Variants in FGF12 observed in about 807,000 individuals in gnomAD.
The protein encoded by FGF12 is fibroblast growth factor 12B.
FGF12 carries 14 observed loss-of-function variants against 23.6 expected under a neutral mutation model. The observed-to-expected ratio is 0.59, with a 90% confidence interval of 0.39 to 0.93. The LOEUF (loss-of-function observed/expected upper bound fraction) is 0.93, where lower values mean the gene tolerates loss of function less well. Ranked by LOEUF, FGF12 falls within the 40% of genes least tolerant of loss-of-function variation. The pLI is 0.00. For synonymous variants in FGF12, 62 were observed against 77.3 expected (o/e 0.80, Z 1.04); for missense variants, 175 against 217.8 (o/e 0.80, Z 1.24).
intron 5 of FGF12, among the ~76,000 whole-genome samples, chr3:192,166,109 C>A (rs983286256): frequency 2.6e-5 from 4 of 152,094 alleles, no homozygotes; most frequent in Non-Finnish European, 5.9e-5. Context: ...GTTTCAATGT[C>A]CAGTGGATTA....
rs1405592127 is a variant in FGF12 at position 192,607,412 on chromosome 3, AGAG to A, written c.13+119766_13+119768del. 2.6e-5 allele frequency among the ~76,000 whole-genome samples: 4 copies of A among 152,156 alleles called. No individual in the cohort carries two copies. In the South Asian group the frequency reaches 8.3e-4, roughly 32 times the overall value. ...TGTGGTGGTATTTGGAGTTAGTGGA[AGAG>A]GAGGAGTTTCAGGGGTGTCAGACTT... On this transcript the variant is annotated intron_variant, in intron 2 of 5. Transcript: ENST00000445105.
At chr3:192,372,199 A>C (rs770149066) in intron 2 of FGF12, among the ~76,000 whole-genome samples, 35 of 152,358 alleles carry the variant, frequency 2.3e-4, no homozygotes, top group Non-Finnish European at 4.1e-4. Context: ...GAGCACAGGC[A>C]TGACAGTTCC....
rs553350392 is a variant in FGF12 at position 192,398,548 on chromosome 3, T to A, written c.14-38010A>T. ...ACAGGCATGCACCACCACGCCCGACTAATTTTGTATTTTAGTAAAGACAGG... is the reference window on the plus strand; with the variant it reads ...ACAGGCATGCACCACCACGCCCGACAAATTTTGTATTTTAGTAAAGACAGG... On this transcript the variant is annotated intron_variant, in intron 2 of 5. Coordinates refer to ENST00000445105, the MANE Select transcript of FGF12 (RefSeq NM_004113.6). Among the ~76,000 whole-genome samples, 209 of 152,170 alleles carry A rather than the reference T, an allele frequency of 1.4e-3. 1 individual carries two copies. The highest frequency in any genetic ancestry group is 1.5e-3 in the Non-Finnish European group (104 of 67,998).
intron 2 of FGF12, among the ~76,000 whole-genome samples, chr3:192,507,633 A>G (rs1724354718): frequency 6.6e-6 from 1 of 152,096 alleles, no homozygotes; most frequent in African/African-American, 2.4e-5. Context: ...ATGCAACACC[A>G]ACTTTTCACT....
intron 2 of FGF12, among the ~76,000 whole-genome samples, chr3:192,367,858 T>G (rs540264864): frequency 1.3e-5 from 2 of 152,282 alleles, no homozygotes; most frequent in South Asian, 4.1e-4. Context: ...ATTGGTCAAA[T>G]GAAGACGAGA....
rs563506170 is a variant in FGF12, at chr3:192,551,749, C to G, written c.13+175432G>C. Among the ~76,000 whole-genome samples the G allele has an allele frequency of 3.3e-3, 496 of 151,332 alleles. 4 individuals are homozygous for G. The highest frequency in any genetic ancestry group is 0.012 in the African/African-American group (474 of 41,200). On this transcript the variant is annotated intron_variant, in intron 2 of 5. Transcript: ENST00000445105. Reference sequence around the variant, plus strand: ...TGCCAGAATAAAACTAAACACTCCTCAAAGAAAAAAAAAATACTCAATACA... The same window carrying G: ...TGCCAGAATAAAACTAAACACTCCTGAAAGAAAAAAAAAATACTCAATACA...
At chr3:192,338,318 T>G (rs544433681) in intron 3 of FGF12, among the ~76,000 whole-genome samples, 25 of 152,124 alleles carry the variant, frequency 1.6e-4, no homozygotes, top group Non-Finnish European at 2.9e-5. Context: ...CTCCTGACCT[T>G]GTGATCCACC....
At chr3:192,663,850 T>C (rs1716758670) in intron 2 of FGF12, among the ~76,000 whole-genome samples, 2 of 152,182 alleles carry the variant, frequency 1.3e-5, no homozygotes, top group East Asian at 3.9e-4. Context: ...CATAGAGATC[T>C]GACAATAATG....
chr3:192,229,153 A>T (rs1408037772), intron 4 of FGF12, among the ~76,000 whole-genome samples: 2 of 151,556 alleles, frequency 1.3e-5, no homozygotes, highest in East Asian at 3.9e-4. Context: ...TATGGATCTA[A>T]GTGAATAAAA....
intron 4 of FGF12, among the ~76,000 whole-genome samples, chr3:192,304,129 C>T (rs1049060061): frequency 2.6e-5 from 4 of 152,132 alleles, no homozygotes; most frequent in Admixed American, 2.0e-4. Context: ...TGAGGTGTTG[C>T]TAAATTGGAG....
At chr3:192,446,362 T>C (rs531640380) in intron 2 of FGF12, among the ~76,000 whole-genome samples, 3 of 152,282 alleles carry the variant, frequency 2.0e-5, no homozygotes, top group Non-Finnish European at 4.4e-5. Context: ...AACATAACAA[T>C]AGATGCAGGT....
intron 2 of FGF12, among the ~76,000 whole-genome samples, chr3:192,388,461 A>AT (rs969059012): frequency 2.6e-5 from 4 of 152,078 alleles, no homozygotes; most frequent in African/African-American, 9.7e-5. Context: ...CTTTTTATTT[A>AT]TTTTTTGTCT....
intron 2 of FGF12, among the ~76,000 whole-genome samples, chr3:192,628,178 A>T (rs1560174179): frequency 6.6e-6 from 1 of 152,044 alleles, no homozygotes; most frequent in South Asian, 2.1e-4. Context: ...AGATATCAAT[A>T]GTTTGTTTCT....
chr3:192,285,513 C>T (rs955215696), intron 4 of FGF12, among the ~76,000 whole-genome samples: 11 of 151,654 alleles, frequency 7.3e-5, no homozygotes, highest in Non-Finnish European at 1.3e-4. Context: ...CAAAAATGGC[C>T]TATGTAAATA....
At chr3:192,686,815 A>ATTTTTTTTTTTTT (rs57045697) in intron 2 of FGF12, among the ~76,000 whole-genome samples, 4 of 61,434 alleles carry the variant, frequency 6.5e-5, no homozygotes, top group African/African-American at 8.2e-5. Flanking sequence ...TTTTTCTCTA[A>ATTTTTTTTTTTTT]TTTTTTTTTT....
intron 3 of FGF12, among the ~76,000 whole-genome samples, chr3:192,335,745 T>C (rs547463783): frequency 6.6e-6 from 1 of 152,252 alleles, no homozygotes; most frequent in East Asian, 1.9e-4. Context: ...TCAGGATCCC[T>C]GATCCTTAAA....
rs1560171443 is a variant in FGF12 at position 192,158,371 on chromosome 3, T to TTTCTTTCTTTCTTTCTTTC, written c.427+12086_427+12087insGAAAGAAAGAAAGAAAGAA. ...CTTTCTTTCTTTCTTTCTTTCTTTCTTTCTTTCTTTCTTTTCTTTCTCTCT... is the reference window on the plus strand; with the variant it reads ...CTTTCTTTCTTTCTTTCTTTCTTTCTTTCTTTCTTTCTTTCTTTCTTCTTTCTTTCTTTTCTTTCTCTCT... On this transcript the variant is annotated intron_variant, in intron 5 of 5. Transcript: ENST00000445105. 1.5e-3 allele frequency among the ~76,000 whole-genome samples: 174 copies of TTTCTTTCTTTCTTTCTTTC among 119,066 alleles called. 2 individuals carry two copies. The highest frequency in any genetic ancestry group is 3.8e-4 in the Non-Finnish European group (21 of 55,354). 78.1% of individuals were successfully genotyped at this position (119,066 alleles called of 152,430 possible).
chr3:192,519,428 T>A (rs1724758947), intron 2 of FGF12, among the ~76,000 whole-genome samples: 1 of 152,226 alleles, frequency 6.6e-6, no homozygotes, highest in African/African-American at 2.4e-5. Flanking sequence ...TGTTGTATCC[T>A]TCTTAGTATA....
intron 2 of FGF12, among the ~76,000 whole-genome samples, chr3:192,376,279 T>C (rs1446454452): frequency 6.6e-6 from 1 of 151,784 alleles, no homozygotes; most frequent in Non-Finnish European, 1.5e-5. Context: ...GAGCTTATTT[T>C]TGAACACACA....
Sources: allele counts gnomAD v4.1 joint callset (sites outside exome capture counted in the v4.1 genomes callset), GRCh38; gene constraint gnomAD v4.1.1; transcripts MANE v1.5; gene names NCBI Gene and HGNC (gene_info 2026-07-23, HGNC 2026-07-21).